NKAIN3: variants seen among roughly 807,000 people sequenced by gnomAD.
The protein encoded by NKAIN3 is sodium/potassium transporting ATPase interacting 3.
NKAIN3 carries 25 observed loss-of-function variants against 30.2 expected under a neutral mutation model. The ratio of observed to expected loss-of-function variants is 0.83; its 90% confidence interval spans 0.60 to 1.16. NKAIN3 has a LOEUF of 1.16. Ranked by LOEUF, NKAIN3 falls within the 50% of genes most tolerant of loss-of-function variation. The probability of loss-of-function intolerance (pLI) is 0.00; values close to 1 mark genes in which losing one functional copy is unlikely to be tolerated. For synonymous variants in NKAIN3, 91 were observed against 89.6 expected, an observed-to-expected ratio of 1.02 and a Z score of -0.09; for missense variants, 225 against 254.1, an observed-to-expected ratio of 0.89 and a Z score of 0.78.
At chr8:62,321,716 G>C (rs1814919555) in intron 1 of NKAIN3, among the ~76,000 whole-genome samples, 1 of 150,680 alleles carries the variant, frequency 6.6e-6, no homozygotes, top group South Asian at 2.1e-4. Context: ...GTACCTGGCT[G>C]TGTGAGGTGT....
chr8:62,539,138 A>T (rs1410550588), intron 1 of NKAIN3, among the ~76,000 whole-genome samples: 1 of 152,222 alleles, frequency 6.6e-6, no homozygotes, highest in Non-Finnish European at 1.5e-5. Flanking sequence ...AAACGTGTTT[A>T]TCATTCTCAC....
intron 3 of NKAIN3, among the ~76,000 whole-genome samples, chr8:62,718,356 T>C (rs1289446244): frequency 1.3e-5 from 2 of 152,228 alleles, no homozygotes; most frequent in Admixed American, 1.3e-4. Context: ...TTTAATAGTA[T>C]GTAATTCCCC....
intron 3 of NKAIN3, among the ~76,000 whole-genome samples, chr8:62,616,823 T>C (rs140905329): frequency 6.6e-6 from 1 of 152,242 alleles, no homozygotes; most frequent in East Asian, 1.9e-4. Flanking sequence ...GGTCACCTCA[T>C]TAAAATAAAC....
chr8:62,527,574 T>C (rs1351932457), intron 1 of NKAIN3, among the ~76,000 whole-genome samples: 1 of 152,180 alleles, frequency 6.6e-6, no homozygotes. Context: ...TTACTACCAT[T>C]ATGAGTTAAT....
intron 1 of NKAIN3, 73 bp from the exon 2 acceptor site, chr8:62,579,466 C>A: frequency 1.7e-6 from 2 of 1,198,704 alleles, no homozygotes; most frequent in South Asian, 2.0e-5. Context: ...ACTCCTCCAG[C>A]CATGAGATAA....
At chr8:62,463,793 T>C (rs1415485079) in intron 1 of NKAIN3, among the ~76,000 whole-genome samples, 1 of 152,180 alleles carries the variant, frequency 6.6e-6, no homozygotes, top group Non-Finnish European at 1.5e-5. Flanking sequence ...AATTTATAAA[T>C]TAGGTAGAGT....
intron 1 of NKAIN3, among the ~76,000 whole-genome samples, chr8:62,538,381 C>T (rs530659791): frequency 1.4e-4 from 21 of 152,172 alleles, no homozygotes; most frequent in Non-Finnish European, 2.4e-4. Context: ...CACCAAGTTG[C>T]CTAGGCTGTT....
chr8:62,599,069 C>T (rs902821759), intron 3 of NKAIN3, among the ~76,000 whole-genome samples: 4 of 152,060 alleles, frequency 2.6e-5, no homozygotes, highest in Admixed American at 2.6e-4. Flanking sequence ...ACCATGGCCA[C>T]CACAGAGCAT....
chr8:62,723,921 T>A (rs1426865742), intron 3 of NKAIN3, among the ~76,000 whole-genome samples: 1 of 152,122 alleles, frequency 6.6e-6, no homozygotes, highest in Non-Finnish European at 1.5e-5. Flanking sequence ...TCTAGCAAAC[T>A]ACAGATTTTT....
chr8:62,640,370 C>A (rs1812272855), intron 3 of NKAIN3, among the ~76,000 whole-genome samples: 1 of 152,092 alleles, frequency 6.6e-6, no homozygotes, highest in Non-Finnish European at 1.5e-5. Context: ...TCTCTCTCAC[C>A]TGCCGCCATG....
At chr8:62,747,952 A>G (rs1011041766) in intron 4 of NKAIN3, among the ~76,000 whole-genome samples, 3 of 152,198 alleles carry the variant, frequency 2.0e-5, no homozygotes, top group Admixed American at 6.5e-5. Flanking sequence ...TAGATAACAC[A>G]AATATGAGTG....
chr8:62,419,482 A>C (rs1240553015), intron 1 of NKAIN3, among the ~76,000 whole-genome samples: 3 of 152,170 alleles, frequency 2.0e-5, no homozygotes, highest in African/African-American at 7.2e-5. Flanking sequence ...AAAAGTTCTG[A>C]TGTAACTTAC....
intron 3 of NKAIN3, among the ~76,000 whole-genome samples, chr8:62,744,767 C>T (rs865894191): frequency 6.6e-6 from 1 of 152,040 alleles, no homozygotes; most frequent in South Asian, 2.1e-4. Flanking sequence ...TAATATTTTC[C>T]CTTCAGAGAG....
chr8:62,816,566 C>G (rs557593028), intron 4 of NKAIN3, among the ~76,000 whole-genome samples: 8 of 152,126 alleles, frequency 5.3e-5, no homozygotes, highest in Non-Finnish European at 8.8e-5. Context: ...GGAGTACATA[C>G]ATTAGCTCCT....
chr8:62,965,098 T>A (rs933690830), intron 6 of NKAIN3, among the ~76,000 whole-genome samples: 3 of 152,260 alleles, frequency 2.0e-5, no homozygotes, highest in Admixed American at 2.0e-4. Flanking sequence ...GACTACTCCA[T>A]ATCACACAAC....
At chr8:62,635,059 T>C (rs1812085859) in intron 3 of NKAIN3, among the ~76,000 whole-genome samples, 1 of 151,882 alleles carries the variant, frequency 6.6e-6, no homozygotes, top group Admixed American at 6.6e-5. Context: ...GGGTCAACCA[T>C]GAGAAAGTGG....
intron 4 of NKAIN3, among the ~76,000 whole-genome samples, chr8:62,772,047 C>T (rs1437803139): frequency 6.6e-6 from 1 of 152,078 alleles, no homozygotes; most frequent in Non-Finnish European, 1.5e-5. Context: ...TTAACCATCC[C>T]TACTACCCCC....
intron 1 of NKAIN3, among the ~76,000 whole-genome samples, chr8:62,525,666 C>G (rs984238908): frequency 6.6e-6 from 1 of 152,110 alleles, no homozygotes; most frequent in East Asian, 1.9e-4. Flanking sequence ...CATGGTTGCA[C>G]CCTTGGTTAA....
chr8:62,947,840 A>G (rs1176874519), intron 5 of NKAIN3, among the ~76,000 whole-genome samples: 1 of 152,198 alleles, frequency 6.6e-6, no homozygotes, highest in South Asian at 2.1e-4. Flanking sequence ...TGCCATGTGA[A>G]TGCACCACCT....
Sources: allele counts gnomAD v4.1 joint callset (sites outside exome capture counted in the v4.1 genomes callset), GRCh38; gene constraint gnomAD v4.1.1; transcripts MANE v1.5; gene names NCBI Gene and HGNC (gene_info 2026-07-23, HGNC 2026-07-21).